MAGI1: variants seen among roughly 807,000 people sequenced by gnomAD.
MAGI1 encodes the protein membrane-associated guanylate kinase, WW and PDZ domain-containing protein 1.
Under a neutral mutation model 139.9 loss-of-function variants are expected in MAGI1, and 58 were observed. The observed-to-expected ratio is 0.41, with a 90% CI of 0.34 to 0.52. The LOEUF (loss-of-function observed/expected upper bound fraction) is 0.52, where lower values mean the gene tolerates loss of function less well. Among genes scored for constraint, MAGI1 ranks in the 20% least tolerant of loss-of-function variants. The probability of loss-of-function intolerance (pLI) is 0.12; values close to 1 mark genes in which losing one functional copy is unlikely to be tolerated. For missense variants in MAGI1, 1,874 were observed against 1,901.6 expected, an observed-to-expected ratio of 0.99 and a Z score of 0.27; for synonymous variants, 812 against 737.9, an observed-to-expected ratio of 1.10 and a Z score of -1.63.
rs947620435 is a variant in MAGI1, at chr3:65,441,023, C to T, written c.1137-1011G>A. ...TCACCCAGGCTGGAGTGCAGTGGTG[C>T]GATCTTGGCTCACTGCAACTTCTGC... On this transcript the variant is annotated intron_variant, in intron 8 of 22. Coordinates refer to ENST00000402939, the MANE Select transcript of MAGI1 (RefSeq NM_001033057.2). 1.2e-4 allele frequency among the ~76,000 whole-genome samples: 18 copies of T among 151,980 alleles called. No individual in the cohort carries two copies. In the South Asian group the frequency reaches 3.3e-3, roughly 28 times the overall value.
intron 14 of MAGI1, among the ~76,000 whole-genome samples, chr3:65,388,747 A>G (rs1316519203): frequency 6.6e-6 from 1 of 151,998 alleles, no homozygotes; most frequent in Non-Finnish European, 1.5e-5. Context: ...TCCAATTACC[A>G]AAAAGGAACA....
At chr3:65,392,602 G>T (rs913549987) in intron 13 of MAGI1, among the ~76,000 whole-genome samples, 1 of 152,030 alleles carries the variant, frequency 6.6e-6, no homozygotes, top group Non-Finnish European at 1.5e-5. Context: ...TCCTATCAAG[G>T]CCATTCTTCC....
chr3:65,774,923 A>G (rs1007636436), intron 1 of MAGI1, among the ~76,000 whole-genome samples: 3 of 152,188 alleles, frequency 2.0e-5, no homozygotes, highest in African/African-American at 7.2e-5. Flanking sequence ...CTTCAGTTAT[A>G]AAGTTAGGAT....
chr3:65,357,210 A>G (rs1940259166), intron 22 of MAGI1, 78 bp from the exon 23 acceptor site: 3 of 1,406,440 alleles, frequency 2.1e-6, no homozygotes, highest in African/African-American at 2.9e-5. Flanking sequence ...CCCACACTCG[A>G]GACCTCATTA....
intron 1 of MAGI1, among the ~76,000 whole-genome samples, chr3:65,650,402 G>T (rs2085513482): frequency 6.6e-6 from 1 of 152,168 alleles, no homozygotes; most frequent in East Asian, 1.9e-4. Flanking sequence ...TTTTAGGATA[G>T]ATGGTTAAAC....
At chr3:65,681,796 G>A (rs1474839259) in intron 1 of MAGI1, among the ~76,000 whole-genome samples, 1 of 152,216 alleles carries the variant, frequency 6.6e-6, no homozygotes, top group Non-Finnish European at 1.5e-5. Flanking sequence ...CAAGTGAGTA[G>A]ATGATACCAA....
chr3:65,413,935 T>C (rs939025232), intron 12 of MAGI1, among the ~76,000 whole-genome samples: 7 of 152,270 alleles, frequency 4.6e-5, no homozygotes, highest in East Asian at 3.9e-4. Flanking sequence ...ATTGCATTTA[T>C]GGCAGGGAAG....
At chr3:65,609,568 C>T (rs908171985) in intron 2 of MAGI1, among the ~76,000 whole-genome samples, 2 of 151,680 alleles carry the variant, frequency 1.3e-5, no homozygotes, top group African/African-American at 2.4e-5. Context: ...TACGAGCCAC[C>T]GGGTTTTTTT....
intron 2 of MAGI1, among the ~76,000 whole-genome samples, chr3:65,558,521 A>G (rs1473885143): frequency 1.3e-5 from 2 of 152,156 alleles, no homozygotes; most frequent in Admixed American, 1.3e-4. Context: ...AACAGCTGAC[A>G]TTAGATCCTG....
chr3:65,965,306 C>A (rs1480208874), intron 1 of MAGI1, among the ~76,000 whole-genome samples: 1 of 152,154 alleles, frequency 6.6e-6, no homozygotes, highest in East Asian at 1.9e-4. Context: ...TTCTACTATT[C>A]CACGTTACCC....
At chr3:65,622,739 T>A (rs1419369695) in intron 1 of MAGI1, among the ~76,000 whole-genome samples, 2 of 151,990 alleles carry the variant, frequency 1.3e-5, no homozygotes, top group Non-Finnish European at 2.9e-5. Flanking sequence ...AATTTATATA[T>A]TTTTAGTAAA....
intron 1 of MAGI1, chr3:65,954,459 C>T (rs1344924369): frequency 6.6e-6 from 1 of 152,596 alleles, no homozygotes; most frequent in Non-Finnish European, 1.5e-5. Context: ...GCCATAGGCA[C>T]TGACATAGAA....
intron 2 of MAGI1, among the ~76,000 whole-genome samples, chr3:65,563,476 T>G (rs1257971435): frequency 2.0e-5 from 3 of 152,172 alleles, no homozygotes; most frequent in African/African-American, 4.8e-5. Flanking sequence ...ATAAAAGACA[T>G]TAAAACTTCC....
chr3:65,605,034 T>C (rs1348905249), intron 2 of MAGI1, among the ~76,000 whole-genome samples: 6 of 152,214 alleles, frequency 3.9e-5, no homozygotes, highest in Non-Finnish European at 5.9e-5. Flanking sequence ...CATGAAAATA[T>C]GCAACTTAAG....
At chr3:65,464,839 T>C (rs1300447459) in intron 5 of MAGI1, among the ~76,000 whole-genome samples, 1 of 101,978 alleles carries the variant, frequency 9.8e-6, no homozygotes, top group Non-Finnish European at 2.2e-5. Flanking sequence ...TTCTTTCCTC[T>C]GTTTTATTTT....
In MAGI1 at chr3:65,833,700, G is replaced by A. The variant is rs567491753; in HGVS notation, c.313+204296C>T. ...GTTGTGTTATTACAACCAACTTGAA[G>A]CAAGTGCCAGCTTTTTTCCACAAGT... is the stretch of plus-strand genomic sequence containing the variant. On this transcript the variant is annotated intron_variant, in intron 1 of 22. Coordinates refer to ENST00000402939, the MANE Select transcript of MAGI1 (RefSeq NM_001033057.2). Among the ~76,000 whole-genome samples the A allele has an allele frequency of 3.9e-5, 6 of 152,304 alleles. No individual in the cohort carries two copies. In the East Asian group the frequency reaches 9.6e-4, roughly 24 times the overall value.
chr3:65,847,621 A>G (rs1014255959), intron 1 of MAGI1, among the ~76,000 whole-genome samples: 2 of 152,232 alleles, frequency 1.3e-5, no homozygotes, highest in Non-Finnish European at 2.9e-5. Flanking sequence ...TAAAATCCCG[A>G]GAGTACTCTT....
intron 13 of MAGI1, among the ~76,000 whole-genome samples, chr3:65,391,605 C>T (rs1943925763): frequency 6.6e-6 from 1 of 152,108 alleles, no homozygotes; most frequent in South Asian, 2.1e-4. Flanking sequence ...TGGGCTACAG[C>T]GGAAAACAAA....
intron 5 of MAGI1, among the ~76,000 whole-genome samples, chr3:65,454,160 A>G (rs2107501904): frequency 6.6e-6 from 1 of 152,294 alleles, no homozygotes; most frequent in Middle Eastern, 3.4e-3. Flanking sequence ...GTTCTGCTTG[A>G]GCCCCCAGGG....
Sources: allele counts gnomAD v4.1 joint callset (sites outside exome capture counted in the v4.1 genomes callset), GRCh38; gene constraint gnomAD v4.1.1; transcripts MANE v1.5; gene names NCBI Gene and HGNC (gene_info 2026-07-23, HGNC 2026-07-21).